The following PTPRD variants were observed in gnomAD, a reference collection of about 807,000 sequenced individuals.
PTPRD encodes the protein protein tyrosine phosphatase receptor type D.
Under a neutral mutation model 214.5 loss-of-function variants are expected in PTPRD, and 34 were observed. The ratio of observed to expected loss-of-function variants is 0.16; its 90% CI spans 0.12 to 0.21. PTPRD has a LOEUF of 0.21. PTPRD is among the 10% of genes least tolerant of loss of function. The pLI is 1.00. For missense variants in PTPRD, 2,545 were observed against 2,398.7 expected (o/e 1.06, Z -1.27); for synonymous variants, 1,128 against 845.7 (o/e 1.33, Z -5.79).
At position 10,215,106 on chromosome 9, in the gene PTPRD, T is replaced by C. The variant is rs565850949; in HGVS notation, c.-545+125857A>G. Among the ~76,000 whole-genome samples, 8 of 152,136 alleles carry C rather than the reference T, an allele frequency of 5.3e-5. No homozygotes were observed. In the East Asian group the frequency reaches 1.5e-3, roughly 29 times the overall value. On this transcript the variant is annotated intron_variant, in intron 3 of 45. Coordinates refer to ENST00000381196, the MANE Select transcript of PTPRD (RefSeq NM_002839.4). Reference sequence around the variant, plus strand: ...GTTATCTTGCCTCCAAGCACAATCTTTTCTTTCTCAAAATTTTAAGATACT... The same window carrying C: ...GTTATCTTGCCTCCAAGCACAATCTCTTCTTTCTCAAAATTTTAAGATACT...
chr9:8,320,675 C>T (rs928478213), intron 44 of PTPRD, among the ~76,000 whole-genome samples: 15 of 152,076 alleles, frequency 9.9e-5, no homozygotes, highest in Non-Finnish European at 1.3e-4. Context: ...GGTTAAGAGC[C>T]ATTGATCTCT....
chr9:8,507,756 T>G (rs1382542180), intron 21 of PTPRD, among the ~76,000 whole-genome samples: 2 of 152,162 alleles, frequency 1.3e-5, no homozygotes, highest in Non-Finnish European at 2.9e-5. Flanking sequence ...ATAATATAAT[T>G]TACATAAAGC....
intron 5 of PTPRD, among the ~76,000 whole-genome samples, chr9:9,836,526 T>A (rs1283035801): frequency 1.3e-5 from 2 of 152,096 alleles, no homozygotes; most frequent in Admixed American, 6.6e-5. Context: ...ATAATAGATA[T>A]CAGCATTCTA....
chr9:9,051,873 G>A (rs1554687413), intron 10 of PTPRD, among the ~76,000 whole-genome samples: 1 of 152,102 alleles, frequency 6.6e-6, no homozygotes, highest in Non-Finnish European at 1.5e-5. Context: ...TATATTCCTA[G>A]TCTCATTGCT....
chr9:10,378,222 T>C (rs1351282947), intron 2 of PTPRD, among the ~76,000 whole-genome samples: 1 of 152,022 alleles, frequency 6.6e-6, no homozygotes, highest in Non-Finnish European at 1.5e-5. Flanking sequence ...TTATCTCTTG[T>C]CTGATGAGCA....
chr9:8,384,439 A>C (rs767306089), intron 37 of PTPRD, among the ~76,000 whole-genome samples: 4 of 152,194 alleles, frequency 2.6e-5, no homozygotes, highest in Non-Finnish European at 5.9e-5. Context: ...TTCATATTAC[A>C]CAGTACATTC....
At chr9:9,451,833 C>T (rs1252173861) in intron 8 of PTPRD, among the ~76,000 whole-genome samples, 4 of 150,474 alleles carry the variant, frequency 2.7e-5, no homozygotes, top group Admixed American at 6.6e-5. Flanking sequence ...GTTGAATTTG[C>T]GCTATAGATA....
chr9:9,290,790 T>A (rs772489682), intron 9 of PTPRD, among the ~76,000 whole-genome samples: 12 of 151,540 alleles, frequency 7.9e-5, no homozygotes, highest in Non-Finnish European at 1.6e-4. Context: ...CTAATTATTT[T>A]TCCAGTGATG....
At chr9:9,287,372 T>C (rs529924616) in intron 9 of PTPRD, among the ~76,000 whole-genome samples, 3 of 152,040 alleles carry the variant, frequency 2.0e-5, no homozygotes, top group Non-Finnish European at 4.4e-5. Flanking sequence ...TAATATTTAT[T>C]AATATAATCA....
chr9:9,326,550 T>C (rs2039990628), intron 9 of PTPRD, among the ~76,000 whole-genome samples: 1 of 151,878 alleles, frequency 6.6e-6, no homozygotes, highest in Admixed American at 6.6e-5. Context: ...ATTCGAACCC[T>C]TGATCTTCTG....
At chr9:8,505,723 AG>A (rs2097531783) in intron 22 of PTPRD, among the ~76,000 whole-genome samples, 1 of 152,136 alleles carries the variant, frequency 6.6e-6, no homozygotes, top group South Asian at 2.1e-4. Flanking sequence ...CAAATACAAA[AG>A]TTTTCAGGAA....
chr9:10,283,267 T>C (rs80096795), intron 3 of PTPRD, among the ~76,000 whole-genome samples: 1,766 of 152,316 alleles, frequency 0.012, 16 homozygotes, highest in Middle Eastern at 0.065. Context: ...TTATAGCTCC[T>C]GGTCCTTTCA....
chr9:8,332,584 G>GTGA (rs2131740424), intron 43 of PTPRD, among the ~76,000 whole-genome samples: 1 of 152,274 alleles, frequency 6.6e-6, no homozygotes, highest in African/African-American at 2.4e-5. Flanking sequence ...CTTTTTTAGA[G>GTGA]TGATTAGGTA....
intron 3 of PTPRD, among the ~76,000 whole-genome samples, chr9:10,150,908 A>G (rs1402998345): frequency 6.6e-6 from 1 of 152,026 alleles, no homozygotes; most frequent in Non-Finnish European, 1.5e-5. Context: ...TAAAAATTTC[A>G]AATTTGCTTT....
intron 3 of PTPRD, among the ~76,000 whole-genome samples, chr9:10,236,420 A>T (rs925832513): frequency 6.6e-6 from 1 of 151,952 alleles, no homozygotes; most frequent in Non-Finnish European, 1.5e-5. Flanking sequence ...TGCTTGGAAG[A>T]TAATCATTCA....
chr9:9,538,124 T>C (rs1569569103), intron 8 of PTPRD, among the ~76,000 whole-genome samples: 1 of 151,882 alleles, frequency 6.6e-6, no homozygotes, highest in Non-Finnish European at 1.5e-5. Context: ...CAGAGCATCT[T>C]TCAAAGTATT....
intron 3 of PTPRD, among the ~76,000 whole-genome samples, chr9:10,132,972 C>T (rs1325552307): frequency 5.4e-5 from 6 of 111,680 alleles, no homozygotes; most frequent in Admixed American, 3.7e-4. Flanking sequence ...TTTGTAGCTT[C>T]TGCCTTGGCA....
intron 2 of PTPRD, among the ~76,000 whole-genome samples, chr9:10,484,556 C>A (rs987178167): frequency 6.6e-6 from 1 of 151,912 alleles, no homozygotes; most frequent in African/African-American, 2.4e-5. Flanking sequence ...TTTGTTATTG[C>A]CTGTCTTTTG....
At chr9:9,259,239 G>A (rs979153808) in intron 9 of PTPRD, among the ~76,000 whole-genome samples, 3 of 151,740 alleles carry the variant, frequency 2.0e-5, no homozygotes, top group African/African-American at 7.3e-5. Context: ...CATAGCCCAG[G>A]GTTCTTTATA....
Sources: allele counts gnomAD v4.1 joint callset (sites outside exome capture counted in the v4.1 genomes callset), GRCh38; gene constraint gnomAD v4.1.1; transcripts MANE v1.5; gene names NCBI Gene and HGNC (gene_info 2026-07-23, HGNC 2026-07-21).